Variants in SLC20A2 observed in about 807,000 individuals in gnomAD.
The protein encoded by SLC20A2 is solute carrier family 20 member 2.
Under a neutral mutation model 61.0 loss-of-function variants are expected in SLC20A2, and 30 were observed. That is an observed-to-expected ratio of 0.49 (90% CI 0.37 to 0.67). The LOEUF is 0.67. SLC20A2 is among the 30% of genes least tolerant of loss of function. SLC20A2 has a pLI of 0.00. For missense variants in SLC20A2, 626 were observed against 866.4 expected (o/e 0.72, Z 3.48); for synonymous variants, 351 against 353.3 (o/e 0.99, Z 0.07).
At chr8:42,442,762 T>C (rs1041839210) in intron 6 of SLC20A2, among the ~76,000 whole-genome samples, 5 of 152,242 alleles carry the variant, frequency 3.3e-5, no homozygotes, top group Non-Finnish European at 7.3e-5. Flanking sequence ...TTGTCTAAAG[T>C]CTAGAGATGA....
At chr8:42,510,909 AATAT>A (rs1810995152) in intron 1 of SLC20A2, among the ~76,000 whole-genome samples, 1 of 151,784 alleles carries the variant, frequency 6.6e-6, no homozygotes, top group Non-Finnish European at 1.5e-5. Context: ...ATATACATAT[AATAT>A]ATATATTTTA....
intron 1 of SLC20A2, among the ~76,000 whole-genome samples, chr8:42,529,306 TTTAAAA>T (rs1812184550): frequency 6.6e-6 from 1 of 152,104 alleles, no homozygotes; most frequent in African/African-American, 2.4e-5. Context: ...AATAAGAAAT[TTTAAAA>T]TTAAAAGAAT....
intron 1 of SLC20A2, among the ~76,000 whole-genome samples, chr8:42,506,795 A>G (rs1353427162): frequency 6.6e-6 from 1 of 152,190 alleles, no homozygotes; most frequent in African/African-American, 2.4e-5. Context: ...TGGCTGCTGT[A>G]AAGTCCCCCT....
intron 5 of SLC20A2, among the ~76,000 whole-genome samples, chr8:42,447,239 G>C (rs1805281703): frequency 3.3e-5 from 5 of 151,994 alleles, no homozygotes; most frequent in Admixed American, 2.6e-4. Context: ...CCAACTACTT[G>C]GGAGGCTGAG....
rs1285173220 is a variant in SLC20A2, at chr8:42,522,019, C to A, written c.-265+19802G>T. ...TTTTAACTTCCTGTGAGTCTGTAAT[C>A]ATTTAAAAACAAAAAGTTTTTTAAA... On this transcript the variant is annotated intron_variant, in intron 1 of 10. Coordinates refer to the SLC20A2 transcript ENST00000342228. Among the ~76,000 whole-genome samples, 2 of 120,290 alleles carry A rather than the reference C, an allele frequency of 1.7e-5. 1 individual carries two copies. Among genetic ancestry groups the A allele is most frequent in the Non-Finnish European group, 4.0e-5 (2 of 50,358 alleles). The allele number at this position is 120,290 out of a possible 152,430, so 78.9% of individuals were successfully genotyped here. A position where few individuals can be genotyped will look rare whatever the true frequency, so the allele number is the denominator to read the frequency against.
At chr8:42,471,911 G>A (rs1393246157) in intron 2 of SLC20A2, among the ~76,000 whole-genome samples, 191 bp downstream of exon 2, 1 of 152,188 alleles carries the variant, frequency 6.6e-6, no homozygotes, top group African/African-American at 2.4e-5. Flanking sequence ...ATAAATGGTT[G>A]CCTGATATTT....
intron 1 of SLC20A2, among the ~76,000 whole-genome samples, chr8:42,508,951 C>G (rs1197846925): frequency 6.6e-6 from 1 of 152,150 alleles, no homozygotes; most frequent in African/African-American, 2.4e-5. Flanking sequence ...GGTTCAAATG[C>G]CAGCTTCATC....
At chr8:42,473,203 G>C (rs1386566248) in intron 1 of SLC20A2, among the ~76,000 whole-genome samples, 1 of 152,204 alleles carries the variant, frequency 6.6e-6, no homozygotes, top group Non-Finnish European at 1.5e-5. Context: ...CATCTGGAGG[G>C]TGACCAAGGC....
At position 42,523,661 on chromosome 8, in the gene SLC20A2, G is replaced by C. The variant is rs555638578; in HGVS notation, c.-265+18160C>G. ...CCATTCTGCCTTTAGGTTCATCTCTGATATCAGGGGTATTCTTTCCTCTGA... is the reference window on the plus strand; with the variant it reads ...CCATTCTGCCTTTAGGTTCATCTCTCATATCAGGGGTATTCTTTCCTCTGA... On this transcript the variant is annotated intron_variant, in intron 1 of 10. Coordinates refer to the SLC20A2 transcript ENST00000342228. Among the ~76,000 whole-genome samples the C allele has an allele frequency of 7.0e-4, 106 of 152,310 alleles. 1 individual carries two copies. The South Asian group carries it at 0.022, about 31-fold the overall frequency.
chr8:42,476,168 C>T (rs1808086335), intron 1 of SLC20A2, among the ~76,000 whole-genome samples: 1 of 140,810 alleles, frequency 7.1e-6, no homozygotes. Flanking sequence ...GCGATCTCGG[C>T]TCACTGCAAG....
At chr8:42,517,957 T>A (rs1414534095) in intron 1 of SLC20A2, among the ~76,000 whole-genome samples, 1 of 152,236 alleles carries the variant, frequency 6.6e-6, no homozygotes, top group East Asian at 1.9e-4. Flanking sequence ...TTATTTATTT[T>A]TGAGACCGAG....
chr8:42,443,266 TATATATATATATATATATATATATA>T lies in SLC20A2; in HGVS notation c.730+1355_730+1379del, dbSNP rs1804932318. On this transcript the variant is annotated intron_variant, in intron 6 of 10. Coordinates refer to ENST00000520262, the MANE Select transcript of SLC20A2 (RefSeq NM_001257180.2). ...TAATAATACAATTATTATTATAGGA[TATATATATATATATATATATATATA>T]TATATATATATATATATAATAAAAT... Among the ~76,000 whole-genome samples, 95 of 93,438 alleles carry T rather than the reference TATATATATATATATATATATATATA, an allele frequency of 1.0e-3. 2 individuals carry two copies. In the East Asian group the frequency reaches 0.018, roughly 17 times the overall value. The allele number at this position is 93,438 out of a possible 152,430, so 61.3% of individuals were successfully genotyped here.
chr8:42,448,042 T>C (rs1197153790), intron 5 of SLC20A2, among the ~76,000 whole-genome samples: 2 of 152,232 alleles, frequency 1.3e-5, no homozygotes, highest in Non-Finnish European at 2.9e-5. Context: ...TCCACCTTCA[T>C]GTAGGGGTTC....
In SLC20A2 at chr8:42,418,054, G is replaced by A. The variant is rs979856312; in HGVS notation, c.1795-87C>T. ...GTACATGGGCTAATCTCAGAAACAA[G>A]CTCTAGTACAACATTACCCAGTCCC... On this transcript the variant is annotated intron_variant, in intron 10 of 10. Coordinates refer to ENST00000520262, the MANE Select transcript of SLC20A2 (RefSeq NM_001257180.2). The A allele has an allele frequency of 1.2e-4, 136 of 1,090,802 alleles. No individual in the cohort carries two copies. In the Middle Eastern group the frequency reaches 1.8e-3, roughly 15 times the overall value. The allele number at this position is 1,090,802 out of a possible 1,614,324, so 67.6% of individuals were successfully genotyped here. A position where few individuals can be genotyped will look rare whatever the true frequency, so the allele number is the denominator to read the frequency against.
chr8:42,480,364 G>A (rs1367404789), intron 1 of SLC20A2: 4 of 152,082 alleles, frequency 2.6e-5, no homozygotes, highest in Non-Finnish European at 4.4e-5. Context: ...ACTGGAAGAC[G>A]CTTCAAAACA....
chr8:42,497,780 C>T (rs1182783723), intron 1 of SLC20A2, among the ~76,000 whole-genome samples: 1 of 150,104 alleles, frequency 6.7e-6, no homozygotes, highest in Non-Finnish European at 1.5e-5. Flanking sequence ...ATGAACTAGA[C>T]CCAGAACCTT....
chr8:42,533,432 A>G (rs1383437898), intron 1 of SLC20A2, among the ~76,000 whole-genome samples: 2 of 152,106 alleles, frequency 1.3e-5, no homozygotes, highest in Admixed American at 6.5e-5. Flanking sequence ...CCTGGCCAAC[A>G]TGGTGAAACC....
chr8:42,504,790 G>A (rs1417957531), upstream of SLC20A2, among the ~76,000 whole-genome samples: 2 of 127,858 alleles, frequency 1.6e-5, no homozygotes, highest in African/African-American at 2.9e-5. Context: ...AGGCTGCAGT[G>A]AGCCAAGATC....
chr8:42,444,188 A>C (rs762855158), intron 6 of SLC20A2, among the ~76,000 whole-genome samples: 5 of 152,202 alleles, frequency 3.3e-5, no homozygotes, highest in Non-Finnish European at 5.9e-5. Context: ...GAACTTTATA[A>C]AGAAACTGCA....
Sources: gnomAD v4.1 joint callset for allele counts (sites outside exome capture counted in the v4.1 genomes callset) on GRCh38, gnomAD v4.1.1 for gene constraint, MANE v1.5 for transcripts, NCBI Gene and HGNC (gene_info 2026-07-23, HGNC 2026-07-21) for gene names.